Variants in ZSWIM5 observed in about 807,000 individuals in gnomAD.
ZSWIM5 encodes the protein zinc finger SWIM domain-containing protein 5.
In ZSWIM5, 55 loss-of-function variants were observed where a neutral mutation model predicts 119.6. The ratio of observed to expected loss-of-function variants is 0.46; its 90% CI spans 0.37 to 0.58. ZSWIM5 has a LOEUF of 0.58. ZSWIM5 is among the 20% of genes least tolerant of loss of function. ZSWIM5 has a pLI of 0.00. For missense variants in ZSWIM5, 1,193 were observed against 1,512.8 expected (o/e 0.79, Z 3.51); for synonymous variants, 537 against 606.9 (o/e 0.88, Z 1.69).
intron 1 of ZSWIM5, among the ~76,000 whole-genome samples, chr1:45,194,162 A>G (rs899842526): frequency 3.3e-5 from 5 of 152,176 alleles, no homozygotes; most frequent in East Asian, 1.9e-4. Context: ...TTTAAACAAA[A>G]TAAGAACAAG....
chr1:45,053,127 C>CAAAAAAAAAA (rs60199581), intron 4 of ZSWIM5, among the ~76,000 whole-genome samples: 1 of 122,166 alleles, frequency 8.2e-6, no homozygotes, highest in Non-Finnish European at 1.7e-5. Context: ...CCGTCTCAAA[C>CAAAAAAAAAA]AAAAAAAAAA....
At chr1:45,150,171 T>TAAAAAAAAAAAAAAAAAAAAA (rs59869691) in intron 1 of ZSWIM5, among the ~76,000 whole-genome samples, 1 of 93,378 alleles carries the variant, frequency 1.1e-5, no homozygotes, top group African/African-American at 4.0e-5. Context: ...CTCTATCTCT[T>TAAAAAAAAAAAAAAAAAAAAA]AAAAAAAAAA....
chr1:45,136,062 T>C (rs1260870719), intron 1 of ZSWIM5, among the ~76,000 whole-genome samples: 5 of 152,118 alleles, frequency 3.3e-5, no homozygotes, highest in African/African-American at 9.7e-5. Context: ...AGTTTCGCCA[T>C]GTTGCCCAGG....
intron 5 of ZSWIM5, among the ~76,000 whole-genome samples, chr1:45,043,712 A>G (rs1221155098): frequency 3.3e-5 from 5 of 152,200 alleles, no homozygotes; most frequent in African/African-American, 1.2e-4. Context: ...TCCAGAAGCT[A>G]CATGAAATAG....
intron 1 of ZSWIM5, among the ~76,000 whole-genome samples, chr1:45,182,855 C>A (rs1238056214): frequency 6.6e-6 from 1 of 152,048 alleles, no homozygotes; most frequent in Non-Finnish European, 1.5e-5. Context: ...AGAAAGTTAA[C>A]AAGGATACCC....
At chr1:45,044,862 A>C (rs1645044797) in intron 5 of ZSWIM5, among the ~76,000 whole-genome samples, 2 of 102,476 alleles carry the variant, frequency 2.0e-5, no homozygotes, top group South Asian at 3.5e-4. Context: ...TTAGCCGGGC[A>C]TGGTGGCGTG....
chr1:45,204,981 T>C (rs1056794848), intron 1 of ZSWIM5, among the ~76,000 whole-genome samples: 2 of 152,120 alleles, frequency 1.3e-5, no homozygotes, highest in Admixed American at 1.3e-4. Context: ...ATCATTTGTA[T>C]AATATATTTT....
chr1:45,107,224 A>G (rs1032538377), intron 1 of ZSWIM5, among the ~76,000 whole-genome samples: 10 of 152,222 alleles, frequency 6.6e-5, no homozygotes, highest in African/African-American at 2.4e-4. Flanking sequence ...CTAAAAAAAA[A>G]AGACTGAGAT....
At chr1:45,193,955 T>TATATATATATATATATATATATAC (rs1553202842) in intron 1 of ZSWIM5, among the ~76,000 whole-genome samples, 6 of 151,678 alleles carry the variant, frequency 4.0e-5, no homozygotes, top group East Asian at 3.8e-4. Flanking sequence ...TATATATATA[T>TATATATATATATATATATATATAC]ACATACATGC....
Position 45,088,511 on chromosome 1 carries a change from T to C in ZSWIM5, c.596-274A>G, listed in dbSNP as rs1006469799. Reference sequence around the variant, plus strand: ...TAGTTTGTACGTGTATACATTTTTCTGGGGGTGGGGATAGTTCATAGCTAT... The same window carrying C: ...TAGTTTGTACGTGTATACATTTTTCCGGGGGTGGGGATAGTTCATAGCTAT... On this transcript the variant is annotated intron_variant, in intron 1 of 13. Transcript: ENST00000359600. This position sits in a 1 kb window ranked among gnomAD's most constrained non-coding sequence, Gnocchi z 4.2. Among the ~76,000 whole-genome samples, 1 of 152,146 alleles carries C rather than the reference T, an allele frequency of 6.6e-6. No individual in the cohort carries two copies.
At chr1:45,087,849 CT>C (rs768925415) in intron 2 of ZSWIM5, 31 bp downstream of exon 2, 104 of 1,509,056 alleles carry the variant, frequency 6.9e-5, no homozygotes, top group African/African-American at 2.4e-4. Flanking sequence ...TGAAAAAGAC[CT>C]TTTTTTTCAA....
intron 1 of ZSWIM5, among the ~76,000 whole-genome samples, chr1:45,117,444 G>A (rs549194530): frequency 6.6e-6 from 1 of 152,330 alleles, no homozygotes; most frequent in Non-Finnish European, 1.5e-5. Flanking sequence ...GGAGGCCAAA[G>A]TGGGAGGACT....
intron 2 of ZSWIM5, among the ~76,000 whole-genome samples, chr1:45,063,505 A>G (rs934640061): frequency 6.6e-5 from 10 of 152,098 alleles, no homozygotes; most frequent in African/African-American, 2.4e-4. Context: ...CTCAGGCCCT[A>G]TCTTTTATTT....
At chr1:45,056,978 C>T (rs1027759860) in intron 4 of ZSWIM5, among the ~76,000 whole-genome samples, 4 of 152,186 alleles carry the variant, frequency 2.6e-5, no homozygotes, top group African/African-American at 9.6e-5. Context: ...TGCCTAGGTT[C>T]TCCATAGGTG....
At position 45,077,350 on chromosome 1, in the gene ZSWIM5, G is replaced by A. The variant is rs186018319; in HGVS notation, c.952+10531C>T. Among the ~76,000 whole-genome samples the A allele has an allele frequency of 5.4e-4, 82 of 152,224 alleles. 1 individual carries two copies. The highest frequency in any genetic ancestry group is 1.7e-3 in the African/African-American group (70 of 41,534). On this transcript the variant is annotated intron_variant, in intron 2 of 13. Coordinates refer to ENST00000359600, the MANE Select transcript of ZSWIM5 (RefSeq NM_020883.2). The stretch of plus-strand genomic sequence containing the variant: ...AAAGAGAGAAATTTTAAAGCTGGGC[G>A]TCTGGGGGAGATATCACACGTTGGT...
Position 45,018,324 on chromosome 1 carries a change from C to A in ZSWIM5, c.*130G>T. On this transcript the variant is annotated 3_prime_UTR_variant, in exon 14 of 14. Coordinates refer to ENST00000359600, the MANE Select transcript of ZSWIM5 (RefSeq NM_020883.2). This position sits in a 1 kb window ranked among gnomAD's most constrained non-coding sequence, Gnocchi z 6.7. Reference sequence around the variant, plus strand: ...GAGCTGGACTTTCCCCATCCTTAGCCCTGTGGTCCTTTGGCCTCATCCACA... The same window carrying A: ...GAGCTGGACTTTCCCCATCCTTAGCACTGTGGTCCTTTGGCCTCATCCACA... 1 of 1,150,904 alleles carries A rather than the reference C, an allele frequency of 8.7e-7. No individual in the cohort carries two copies. The highest frequency in any genetic ancestry group is 2.6e-5 in the Admixed American group (1 of 38,652). 71.3% of individuals were successfully genotyped at this position (1,150,904 alleles called of 1,614,324 possible).
chr1:45,085,980 C>T (rs1557760771), intron 2 of ZSWIM5, among the ~76,000 whole-genome samples: 1 of 152,100 alleles, frequency 6.6e-6, no homozygotes, highest in Admixed American at 6.6e-5. Context: ...TACATTCTTG[C>T]ACTGCTATAA....
At chr1:45,073,249 ATTTTTTTTT>A (rs58448888) in intron 2 of ZSWIM5, among the ~76,000 whole-genome samples, 5 of 56,054 alleles carry the variant, frequency 8.9e-5, no homozygotes, top group African/African-American at 2.4e-4. Context: ...TTGCTACTGA[ATTTTTTTTT>A]TTTTTTTTTT....
chr1:45,053,516 C>T (rs1032765346), intron 4 of ZSWIM5, among the ~76,000 whole-genome samples: 1 of 151,860 alleles, frequency 6.6e-6, no homozygotes, highest in Admixed American at 6.6e-5. Context: ...AATCCCAGTG[C>T]TTTGGGAGGC....
Sources: allele counts gnomAD v4.1 joint callset (sites outside exome capture counted in the v4.1 genomes callset), GRCh38; gene constraint gnomAD v4.1.1; non-coding constraint Gnocchi (gnomAD v3.1); transcripts MANE v1.5; gene names NCBI Gene and HGNC (gene_info 2026-07-23, HGNC 2026-07-21).